OLFM3: variants seen among roughly 807,000 people sequenced by gnomAD.
OLFM3 encodes the protein olfactomedin 3.
In OLFM3, 20 loss-of-function variants were observed where a neutral mutation model predicts 48.6. The ratio of observed to expected loss-of-function variants is 0.41; its 90% CI spans 0.29 to 0.60. The LOEUF (loss-of-function observed/expected upper bound fraction) is 0.60, where lower values mean the gene tolerates loss of function less well. OLFM3 is among the 20% of genes least tolerant of loss of function. OLFM3 has a pLI of 0.28. For missense variants in OLFM3, 437 were observed against 544.3 expected (o/e 0.80, Z 1.96); for synonymous variants, 222 against 198.1 (o/e 1.12, Z -1.01).
chr1:101,863,833 A>C (rs1656753177), intron 1 of OLFM3, among the ~76,000 whole-genome samples: 1 of 152,214 alleles, frequency 6.6e-6, no homozygotes. Flanking sequence ...TATATATCTC[A>C]GTGATAAATC....
intron 1 of OLFM3, among the ~76,000 whole-genome samples, chr1:101,946,447 A>T (rs1306178661): frequency 6.6e-6 from 1 of 152,214 alleles, no homozygotes; most frequent in Admixed American, 6.5e-5. Flanking sequence ...TTAAATAAAC[A>T]GGCAAGCAAG....
intron 4 of OLFM3, among the ~76,000 whole-genome samples, chr1:101,807,382 T>C (rs929585111): frequency 2.6e-5 from 4 of 151,798 alleles, no homozygotes; most frequent in Non-Finnish European, 5.9e-5. Context: ...AAAACTCTTT[T>C]GGGTCCTACT....
rs377345849 is a variant in OLFM3, at chr1:101,822,628, G to T, written c.592+2398C>A. 1.1e-4 allele frequency among the ~76,000 whole-genome samples: 16 copies of T among 152,242 alleles called. 2 individuals are homozygous for T. The highest frequency in any genetic ancestry group is 7.9e-4 in the Admixed American group (12 of 15,270). ...GATATTTTATGAGCTAATAGAAAATGCATCTGGATATTTCTTTGTAAACTT... is the reference window on the plus strand; with the variant it reads ...GATATTTTATGAGCTAATAGAAAATTCATCTGGATATTTCTTTGTAAACTT... On this transcript the variant is annotated intron_variant, in intron 4 of 5. Coordinates refer to ENST00000370103, the MANE Select transcript of OLFM3 (RefSeq NM_058170.4).
intron 1 of OLFM3, among the ~76,000 whole-genome samples, chr1:101,874,886 C>T (rs933606050): frequency 6.6e-6 from 1 of 151,910 alleles, no homozygotes; most frequent in African/African-American, 2.4e-5. Flanking sequence ...TGGAATTTTC[C>T]CATCCTGATT....
chr1:101,851,968 G>A (rs1475575935), intron 1 of OLFM3, among the ~76,000 whole-genome samples: 3 of 152,176 alleles, frequency 2.0e-5, no homozygotes, highest in South Asian at 4.2e-4. Flanking sequence ...GCTCCCAGAT[G>A]ATGCTGATGC....
At chr1:101,840,442 G>A (rs965162545) in intron 1 of OLFM3, among the ~76,000 whole-genome samples, 1 of 151,408 alleles carries the variant, frequency 6.6e-6, no homozygotes, top group African/African-American at 2.4e-5. Flanking sequence ...GGCAGACCTG[G>A]GATTTGTACT....
chr1:101,807,087 C>T (rs1315915038), intron 4 of OLFM3, among the ~76,000 whole-genome samples: 1 of 151,588 alleles, frequency 6.6e-6, no homozygotes, highest in East Asian at 1.9e-4. Context: ...TAGTTTGGGT[C>T]ACTTATTATG....
intron 1 of OLFM3, among the ~76,000 whole-genome samples, chr1:101,846,444 C>T (rs1655997458): frequency 6.6e-6 from 1 of 151,842 alleles, no homozygotes; most frequent in Non-Finnish European, 1.5e-5. Context: ...TGTAGCAGAA[C>T]TAGATTTGAC....
At position 101,844,112 on chromosome 1, in the gene OLFM3, G is replaced by A. The variant is rs1399231460; in HGVS notation, c.70-7087C>T. Among the ~76,000 whole-genome samples, 18 of 152,110 alleles carry A rather than the reference G, an allele frequency of 1.2e-4. 1 individual carries two copies. The highest frequency in any genetic ancestry group is 1.2e-3 in the Admixed American group (18 of 15,264). On this transcript the variant is annotated intron_variant, in intron 1 of 5. Coordinates refer to ENST00000370103, the MANE Select transcript of OLFM3 (RefSeq NM_058170.4). ...CCTCCACATGGAAGCAGCAGTAAGG[G>A]TCCCTTGGAATTATTTGAGAGGCAG... is the stretch of plus-strand genomic sequence containing the variant.
intron 1 of OLFM3, among the ~76,000 whole-genome samples, chr1:101,909,503 T>C (rs574811192): frequency 4.0e-4 from 61 of 152,340 alleles, no homozygotes; most frequent in African/African-American, 1.3e-3. Context: ...CAGTTCACTA[T>C]TTTAAAAACC....
intron 1 of OLFM3, among the ~76,000 whole-genome samples, chr1:101,962,915 T>C (rs750692732): frequency 1.3e-5 from 2 of 152,222 alleles, no homozygotes; most frequent in Non-Finnish European, 2.9e-5. Flanking sequence ...ATTATTATGT[T>C]CATTGGGCTG....
At chr1:101,845,922 T>G (rs1655970725) in intron 1 of OLFM3, among the ~76,000 whole-genome samples, 1 of 152,252 alleles carries the variant, frequency 6.6e-6, no homozygotes, top group Non-Finnish European at 1.5e-5. Flanking sequence ...GGGCTACTTT[T>G]CTTTCCATAT....
At chr1:101,881,894 CT>C (rs1252931252) in intron 1 of OLFM3, among the ~76,000 whole-genome samples, 1 of 151,584 alleles carries the variant, frequency 6.6e-6, no homozygotes, top group Admixed American at 6.6e-5. Flanking sequence ...CCACAGTCTT[CT>C]TTTTCCTCTT....
At chr1:101,841,675 G>T (rs1342117248) in intron 1 of OLFM3, among the ~76,000 whole-genome samples, 1 of 152,096 alleles carries the variant, frequency 6.6e-6, no homozygotes, top group Non-Finnish European at 1.5e-5. Flanking sequence ...CATTTATCAG[G>T]GTCTAGATGG....
At chr1:101,887,050 A>G (rs926978863) in intron 1 of OLFM3, among the ~76,000 whole-genome samples, 1 of 152,006 alleles carries the variant, frequency 6.6e-6, no homozygotes, top group African/African-American at 2.4e-5. Context: ...TAATAAGTTA[A>G]TTTAGACCAT....
chr1:101,837,803 G>A (rs1209580707), intron 1 of OLFM3: 5 of 152,138 alleles, frequency 3.3e-5, no homozygotes, highest in Non-Finnish European at 7.3e-5. Flanking sequence ...AGCATGCCAT[G>A]TTGATTCATG....
At chr1:101,823,237 A>T (rs1204276920) in intron 4 of OLFM3, among the ~76,000 whole-genome samples, 1 of 152,072 alleles carries the variant, frequency 6.6e-6, no homozygotes, top group African/African-American at 2.4e-5. Context: ...ATGCAATGAT[A>T]ATGAAACAAG....
chr1:101,915,004 A>G (rs749961321), intron 1 of OLFM3, among the ~76,000 whole-genome samples: 10 of 152,174 alleles, frequency 6.6e-5, no homozygotes, highest in Non-Finnish European at 1.0e-4. Context: ...CTACTAAAGT[A>G]TGTATATTTC....
intron 1 of OLFM3, among the ~76,000 whole-genome samples, chr1:101,946,486 A>G (rs1659968399): frequency 6.6e-6 from 1 of 152,186 alleles, no homozygotes; most frequent in African/African-American, 2.4e-5. Flanking sequence ...AAAACTTCCT[A>G]TCAGAATTGC....
Sources: allele counts gnomAD v4.1 joint callset (sites outside exome capture counted in the v4.1 genomes callset), GRCh38; gene constraint gnomAD v4.1.1; transcripts MANE v1.5; gene names NCBI Gene and HGNC (gene_info 2026-07-23, HGNC 2026-07-21).